GRK5: variants seen among roughly 807,000 people sequenced by gnomAD.
The protein encoded by GRK5 is G protein-coupled receptor kinase 5, also known as g protein-coupled receptor kinase GRK5.
A neutral mutation model predicts 78.4 loss-of-function variants in GRK5; 40 were observed. The ratio of observed to expected loss-of-function variants is 0.51; its 90% CI spans 0.40 to 0.66. The LOEUF (loss-of-function observed/expected upper bound fraction) is 0.66. Among genes scored for constraint, GRK5 ranks in the 30% least tolerant of loss-of-function variants. The pLI is 0.00. For missense variants in GRK5, 598 were observed against 759.9 expected, an observed-to-expected ratio of 0.79 and a Z score of 2.50; for synonymous variants, 289 against 296.8, an observed-to-expected ratio of 0.97 and a Z score of 0.27.
Position 119,452,838 on chromosome 10 carries a change from T to C in GRK5, c.1542+30T>C. On this transcript the variant is annotated intron_variant, in intron 14 of 15. Transcript: ENST00000392870. The surrounding 1 kb of genome is among the most constrained non-coding windows in gnomAD (Gnocchi z 4.4). Reference sequence around the variant, plus strand: ...GCAGGGCAGACCACTTGCTTTGGTCTGGGTGGGAGGGAGGGACTGACGGGT... The same window carrying C: ...GCAGGGCAGACCACTTGCTTTGGTCCGGGTGGGAGGGAGGGACTGACGGGT... 1.9e-6 allele frequency: 1 copy of C among 523,588 alleles called. No individual in the cohort carries two copies. The highest frequency in any genetic ancestry group is 3.8e-6 in the Non-Finnish European group (1 of 261,110). The allele number at this position is 523,588 out of a possible 1,614,324, so 32.4% of individuals were successfully genotyped here. A position where few individuals can be genotyped will look rare whatever the true frequency, so the allele number is the denominator to read the frequency against.
intron 1 of GRK5, among the ~76,000 whole-genome samples, chr10:119,308,078 G>T (rs533619085): frequency 1.3e-5 from 2 of 152,254 alleles, no homozygotes; most frequent in Admixed American, 6.5e-5. Context: ...CACCCATGGC[G>T]GGTCTGCACT....
At position 119,448,135 on chromosome 10, in the gene GRK5, G is replaced by A. The variant is rs1853192960; in HGVS notation, c.1279G>A (p.Asp427Asn). ...CTCTCTGTTTCAGCTGCTCACGAAA[G>A]ATGCGAAGCAGAGGCTGGGCTGCCA... Reference protein sequence around the residue: ...KSICKMLLTKDAKQRLGCQEE... With the variant: ...KSICKMLLTKNAKQRLGCQEE... Residue 427 changes from aspartate to asparagine, a missense_variant, in exon 13 of 16, where the codon GAT becomes AAT. Physicochemically the swap from Asp to Asn is conservative, Grantham distance 23. Coordinates refer to ENST00000392870, the MANE Select transcript of GRK5 (RefSeq NM_005308.3). 1.9e-6 allele frequency: 3 copies of A among 1,554,492 alleles called. No homozygotes were observed. The highest frequency in any genetic ancestry group is 1.4e-5 in the African/African-American group (1 of 70,700).
chr10:119,248,384 T>G (rs1849148399), intron 1 of GRK5, among the ~76,000 whole-genome samples: 1 of 152,202 alleles, frequency 6.6e-6, no homozygotes, highest in Non-Finnish European at 1.5e-5. Flanking sequence ...CTTTTTTCAC[T>G]TACACATCCA....
At chr10:119,269,037 C>T (rs1330477859) in intron 1 of GRK5, among the ~76,000 whole-genome samples, 1 of 152,226 alleles carries the variant, frequency 6.6e-6, no homozygotes, top group Non-Finnish European at 1.5e-5. Context: ...GACATCTGCT[C>T]TCTGCTCAGG....
At chr10:119,263,596 T>C (rs1849446096) in intron 1 of GRK5, among the ~76,000 whole-genome samples, 1 of 152,080 alleles carries the variant, frequency 6.6e-6, no homozygotes, top group Admixed American at 6.6e-5. Flanking sequence ...GCTTTTTCTC[T>C]CCTCTCTTCT....
intron 2 of GRK5, among the ~76,000 whole-genome samples, chr10:119,343,285 G>GAA (rs968945469): frequency 1.3e-5 from 2 of 152,142 alleles, no homozygotes; most frequent in Non-Finnish European, 1.5e-5. Flanking sequence ...GAGAGAGAGA[G>GAA]AACACTTTTG....
intron 1 of GRK5, chr10:119,212,782 T>C (rs1482123870): frequency 6.6e-6 from 1 of 152,216 alleles, no homozygotes; most frequent in Non-Finnish European, 1.5e-5. Flanking sequence ...GGTGACACAT[T>C]GAGAAGATAA....
At chr10:119,424,878 C>G (rs1852641676) in intron 5 of GRK5, 115 bp from the exon 6 acceptor site, 1 of 748,930 alleles carries the variant, frequency 1.3e-6, no homozygotes, top group African/African-American at 1.7e-5. Flanking sequence ...CGTGCTGCAT[C>G]TGCATGGGTT....
In GRK5 at chr10:119,279,351, A is replaced by G. The variant is rs114050653; in HGVS notation, c.53-47165A>G. Among the ~76,000 whole-genome samples, 631 of 152,316 alleles carry G rather than the reference A, an allele frequency of 4.1e-3. 2 individuals are homozygous for G. Among genetic ancestry groups the G allele is most frequent in the African/African-American group, 0.015 (604 of 41,570 alleles). Reference sequence around the variant, plus strand: ...CTTCAACACAGGAATTTGGGGGCATACAATTCTGCTTATCACAGGTGCTGA... The same window carrying G: ...CTTCAACACAGGAATTTGGGGGCATGCAATTCTGCTTATCACAGGTGCTGA... On this transcript the variant is annotated intron_variant, in intron 1 of 15. Transcript: ENST00000392870.
At chr10:119,344,872 C>CCGTTCCTTCCTTCCTTCCTTCCTT (rs1650149707) in intron 2 of GRK5, among the ~76,000 whole-genome samples, 4 of 73,662 alleles carry the variant, frequency 5.4e-5, no homozygotes, top group Admixed American at 4.4e-4. Flanking sequence ...ACAAGACCCA[C>CCGTTCCTTCCTTCCTTCCTTCCTT]CCTTCCTTCC....
chr10:119,249,976 A>C (rs1046938560), intron 1 of GRK5, among the ~76,000 whole-genome samples: 3 of 152,204 alleles, frequency 2.0e-5, no homozygotes, highest in Non-Finnish European at 4.4e-5. Flanking sequence ...TCATGCTCCC[A>C]ACAGTGGAGT....
At chr10:119,371,801 A>G (rs10787959) in intron 2 of GRK5, among the ~76,000 whole-genome samples, 103,138 of 152,106 alleles carry the variant, frequency 0.68, 35,249 homozygotes, top group Non-Finnish European at 0.71. Context: ...GATAGAGGAG[A>G]TAGGATCTGT....
intron 1 of GRK5, among the ~76,000 whole-genome samples, chr10:119,247,906 C>T (rs1462298962): frequency 2.6e-5 from 4 of 152,206 alleles, no homozygotes; most frequent in African/African-American, 9.7e-5. Flanking sequence ...CCCCACCCTG[C>T]CTGGCTGCTG....
chr10:119,309,498 A>G (rs531129116), intron 1 of GRK5, among the ~76,000 whole-genome samples: 1 of 152,252 alleles, frequency 6.6e-6, no homozygotes, highest in Non-Finnish European at 1.5e-5. Flanking sequence ...CTGTGACCCT[A>G]TGTGAGATCA....
intron 1 of GRK5, among the ~76,000 whole-genome samples, chr10:119,316,265 G>A (rs1342120696): frequency 1.3e-5 from 2 of 152,174 alleles, no homozygotes; most frequent in Non-Finnish European, 2.9e-5. Context: ...TGTGACATGT[G>A]GCCTGGAGAG....
chr10:119,232,854 G>T (rs1006450894), intron 1 of GRK5, among the ~76,000 whole-genome samples: 8 of 152,218 alleles, frequency 5.3e-5, no homozygotes, highest in African/African-American at 1.9e-4. Context: ...ACAAATAAAT[G>T]ATAAACATTT....
chr10:119,374,353 C>T (rs1395402369), intron 2 of GRK5, among the ~76,000 whole-genome samples: 5 of 152,196 alleles, frequency 3.3e-5, no homozygotes, highest in African/African-American at 9.7e-5. Context: ...TCCTTGGCAA[C>T]AGGCCTGGGG....
intron 1 of GRK5, among the ~76,000 whole-genome samples, chr10:119,222,418 T>A (rs1848669088): frequency 6.6e-6 from 1 of 152,092 alleles, no homozygotes; most frequent in African/African-American, 2.4e-5. Context: ...CCTGAGGTCA[T>A]TTGCCCTGTC....
chr10:119,240,900 T>C (rs182843398), intron 1 of GRK5, among the ~76,000 whole-genome samples: 1 of 152,300 alleles, frequency 6.6e-6, no homozygotes, highest in Non-Finnish European at 1.5e-5. Context: ...AGGAGCAGTT[T>C]TGAAAGGCAA....
Sources: allele counts gnomAD v4.1 joint callset (sites outside exome capture counted in the v4.1 genomes callset), GRCh38; gene constraint gnomAD v4.1.1; non-coding constraint Gnocchi (gnomAD v3.1); transcripts MANE v1.5; gene names NCBI Gene and HGNC (gene_info 2026-07-23, HGNC 2026-07-21).